DNAH6: variants seen among roughly 807,000 people sequenced by gnomAD.
The protein encoded by DNAH6 is dynein axonemal heavy chain 6.
In DNAH6, 340 loss-of-function variants were observed where a neutral mutation model predicts 491.4. The observed-to-expected ratio is 0.69, with a 90% CI of 0.63 to 0.76. The LOEUF is 0.76. DNAH6 is among the 30% of genes least tolerant of loss of function. The pLI, the probability that DNAH6 is intolerant of heterozygous loss-of-function variation, is 0.00. For synonymous variants in DNAH6, 1,603 were observed against 1,686.1 expected, an observed-to-expected ratio of 0.95 and a Z score of 1.21; for missense variants, 4,443 against 4,972.2, an observed-to-expected ratio of 0.89 and a Z score of 3.20.
At chr2:84,565,869 T>A (rs1029055221) in intron 11 of DNAH6, among the ~76,000 whole-genome samples, 6 of 151,944 alleles carry the variant, frequency 3.9e-5, no homozygotes, top group African/African-American at 1.2e-4. Flanking sequence ...CCTTCTTAAT[T>A]GGTGTTGGTT....
chr2:84,568,390 T>C (rs1681438792), intron 11 of DNAH6, among the ~76,000 whole-genome samples: 1 of 152,010 alleles, frequency 6.6e-6, no homozygotes, highest in Admixed American at 6.6e-5. Flanking sequence ...TGTGCAGCCA[T>C]AAAAAAGAAT....
chr2:84,757,704 A>C (rs1330666892), intron 63 of DNAH6, among the ~76,000 whole-genome samples: 4 of 152,214 alleles, frequency 2.6e-5, no homozygotes, highest in Non-Finnish European at 4.4e-5. Context: ...AAACCACCTA[A>C]TACGAAAGTG....
intron 10 of DNAH6, among the ~76,000 whole-genome samples, chr2:84,555,758 A>C (rs1573005192): frequency 6.6e-6 from 1 of 152,248 alleles, no homozygotes; most frequent in Non-Finnish European, 1.5e-5. Flanking sequence ...AAGGTGCCCA[A>C]GACAGCAATC....
intron 35 of DNAH6, among the ~76,000 whole-genome samples, chr2:84,656,330 A>G (rs1690966698): frequency 6.6e-6 from 1 of 152,054 alleles, no homozygotes; most frequent in Admixed American, 6.6e-5. Flanking sequence ...TTGCTGAATT[A>G]TTTAGTATAT....
At chr2:84,514,761 T>C (rs897062563), upstream of DNAH6, among the ~76,000 whole-genome samples, 1 of 152,122 alleles carries the variant, frequency 6.6e-6, no homozygotes, top group East Asian at 1.9e-4. Flanking sequence ...TCTTGCCACA[T>C]TAAAAAATAA....
At chr2:84,668,906 A>G (rs1692448714) in intron 37 of DNAH6, among the ~76,000 whole-genome samples, 1 of 150,412 alleles carries the variant, frequency 6.6e-6, no homozygotes, top group Admixed American at 6.6e-5. Context: ...ATGGGTATTA[A>G]CTGAAGTGCT....
chr2:84,669,902 G>A (rs1918699), intron 38 of DNAH6, among the ~76,000 whole-genome samples: 147,029 of 152,276 alleles, frequency 0.97, 71,032 homozygotes, highest in East Asian at 1. Context: ...TGATACAGCA[G>A]TGGTATCCTT....
chr2:84,567,957 A>G (rs11894846), intron 11 of DNAH6, among the ~76,000 whole-genome samples: 10,369 of 152,134 alleles, frequency 0.068, 1,152 homozygotes, highest in African/African-American at 0.24. Flanking sequence ...ATATTATATA[A>G]TACATTATGT....
At position 84,799,177 on chromosome 2, in the gene DNAH6, AG is replaced by A. The variant is rs545636833; in HGVS notation, c.11481+1522del. Among the ~76,000 whole-genome samples the A allele has an allele frequency of 3.9e-5, 6 of 152,142 alleles. 1 individual carries two copies. The East Asian group carries it at 1.2e-3, about 29-fold the overall frequency. On this transcript the variant is annotated intron_variant, in intron 70 of 76. Coordinates refer to ENST00000389394, the MANE Select transcript of DNAH6 (RefSeq NM_001370.2). ...TAATTTTTGTGTTTTTAGTAGAGAC[AG>A]GGTTTCACCATGTTGACCAGGCTGG...
chr2:84,710,103 G>A (rs1696887596), intron 55 of DNAH6, among the ~76,000 whole-genome samples, 184 bp from the exon 56 acceptor site: 1 of 152,194 alleles, frequency 6.6e-6, no homozygotes, highest in African/African-American at 2.4e-5. Context: ...TAAACAAAGA[G>A]AAGAGTCCCA....
intron 2 of DNAH6, among the ~76,000 whole-genome samples, chr2:84,519,244 C>G (rs1172260355): frequency 2.0e-5 from 3 of 151,732 alleles, no homozygotes; most frequent in Admixed American, 6.6e-5. Context: ...TGGGCACCAG[C>G]TGAGGCATTG....
In DNAH6 at chr2:84,579,626, A is replaced by G; in HGVS notation, c.2176A>G (p.Thr726Ala). The G allele has an allele frequency of 6.2e-7, 1 of 1,611,128 alleles. No individual in the cohort carries two copies. Among genetic ancestry groups the G allele is most frequent in the Non-Finnish European group, 8.5e-7 (1 of 1,179,120 alleles). Reference sequence around the variant, plus strand: ...GTATAAACTTGAGTTTGTTCCAACTACTACCACAGAATATGTTCATAGCTT... The same window carrying G: ...GTATAAACTTGAGTTTGTTCCAACTGCTACCACAGAATATGTTCATAGCTT... ...AEYKLEFVPT[T>A]TTEYVHSLLF... The change falls in exon 14 of 77, where the codon ACT becomes GCT. Residue 726 changes from threonine to alanine, a missense_variant. Physicochemically the swap from Thr to Ala is moderately conservative, Grantham distance 58 (BLOSUM62 0). Coordinates refer to ENST00000389394, the MANE Select transcript of DNAH6 (RefSeq NM_001370.2).
the DNAH6 span, among the ~76,000 whole-genome samples, chr2:84,461,869 T>C: frequency 1.6e-4 from 24 of 152,172 alleles, no homozygotes; most frequent in African/African-American, 5.5e-4. Context: ...GCTACTTCTC[T>C]CTGAAGTTTG....
chr2:84,525,307 C>A (rs879846617), intron 2 of DNAH6, among the ~76,000 whole-genome samples: 1 of 151,934 alleles, frequency 6.6e-6, no homozygotes, highest in Non-Finnish European at 1.5e-5. Flanking sequence ...TGAGCCTTTT[C>A]TGTTGTAATT....
At chr2:84,817,193 A>G (rs1680573547) in intron 76 of DNAH6, among the ~76,000 whole-genome samples, 1 of 152,164 alleles carries the variant, frequency 6.6e-6, no homozygotes, top group Non-Finnish European at 1.5e-5. Context: ...GACCAAAAAA[A>G]AAAAATGCTC....
chr2:84,730,091 T>C (rs1007131693), intron 61 of DNAH6, among the ~76,000 whole-genome samples: 1 of 151,840 alleles, frequency 6.6e-6, no homozygotes, highest in Non-Finnish European at 1.5e-5. Flanking sequence ...AGGAAGGAGA[T>C]ACATGCCCGA....
chr2:84,649,991 G>A (rs1224265890), intron 33 of DNAH6, among the ~76,000 whole-genome samples: 1 of 152,084 alleles, frequency 6.6e-6, no homozygotes, highest in Non-Finnish European at 1.5e-5. Flanking sequence ...TCTCTGATGA[G>A]AATTCTGTTG....
chr2:84,793,449 A>G (rs1408950245), intron 68 of DNAH6, among the ~76,000 whole-genome samples: 1 of 152,144 alleles, frequency 6.6e-6, no homozygotes, highest in Non-Finnish European at 1.5e-5. Context: ...AAATGCAGAT[A>G]TTTTAGTTAG....
intron 75 of DNAH6, among the ~76,000 whole-genome samples, chr2:84,814,784 A>G (rs975626682): frequency 1.3e-5 from 2 of 152,202 alleles, no homozygotes; most frequent in African/African-American, 4.8e-5. Flanking sequence ...AGCCATGACA[A>G]TGCCTTACAA....
Sources: allele counts gnomAD v4.1 joint callset (sites outside exome capture counted in the v4.1 genomes callset), GRCh38; gene constraint gnomAD v4.1.1; transcripts MANE v1.5; gene names NCBI Gene and HGNC (gene_info 2026-07-23, HGNC 2026-07-21).